The following PABPC4L variants were observed in gnomAD, a reference collection of about 807,000 sequenced individuals.
PABPC4L encodes polyadenylate-binding protein 4-like.
For synonymous variants in PABPC4L, 169 were observed against 164.1 expected (o/e 1.03, Z -0.23); for missense variants, 452 against 451.4 (o/e 1.00, Z -0.01).
At chr4:134,057,796 T>A in the PABPC4L span, among the ~76,000 whole-genome samples, 3 of 152,098 alleles carry the variant, frequency 2.0e-5, no homozygotes, top group African/African-American at 7.2e-5. Flanking sequence ...ATCCTATGTG[T>A]CTAGGCCATC....
At chr4:134,010,088 T>C in the PABPC4L span, among the ~76,000 whole-genome samples, 1 of 152,072 alleles carries the variant, frequency 6.6e-6, no homozygotes, top group African/African-American at 2.4e-5. Flanking sequence ...CTGAATTGTA[T>C]TAATGATGGT....
chr4:134,136,046 CA>C, the PABPC4L span, among the ~76,000 whole-genome samples: 1 of 152,050 alleles, frequency 6.6e-6, no homozygotes, highest in Non-Finnish European at 1.5e-5. Context: ...AGGGAAATAT[CA>C]GATCGAATCC....
At chr4:134,147,848 A>G in the PABPC4L span, among the ~76,000 whole-genome samples, 1 of 151,834 alleles carries the variant, frequency 6.6e-6, no homozygotes, top group Admixed American at 6.6e-5. Flanking sequence ...ATTGTTGGAG[A>G]TGTGGAAAAA....
chr4:134,171,997 G>C, the PABPC4L span, among the ~76,000 whole-genome samples: 1 of 151,700 alleles, frequency 6.6e-6, no homozygotes, highest in African/African-American at 2.4e-5. Context: ...TTACAAACCA[G>C]TGCTCAAAAA....
At chr4:134,184,371 T>G in the PABPC4L span, among the ~76,000 whole-genome samples, 12 of 151,930 alleles carry the variant, frequency 7.9e-5, no homozygotes, top group Non-Finnish European at 1.5e-4. Context: ...AAAATATGAT[T>G]TTAGAGATCA....
chr4:134,183,955 G>T, the PABPC4L span, among the ~76,000 whole-genome samples: 1 of 151,430 alleles, frequency 6.6e-6, no homozygotes, highest in Admixed American at 6.6e-5. Context: ...TTAACAAGTT[G>T]ATTGAGTGCG....
the PABPC4L span, among the ~76,000 whole-genome samples, chr4:134,025,488 A>G: frequency 6.6e-6 from 1 of 152,082 alleles, no homozygotes; most frequent in Non-Finnish European, 1.5e-5. Flanking sequence ...GGAGCTGTGT[A>G]TAAGTGCCAG....
the PABPC4L span, among the ~76,000 whole-genome samples, chr4:134,145,990 C>A: frequency 6.6e-6 from 1 of 151,860 alleles, no homozygotes; most frequent in African/African-American, 2.4e-5. Context: ...ATTTATACAT[C>A]CAGTTATGGA....
the PABPC4L span, among the ~76,000 whole-genome samples, chr4:134,090,011 T>C: frequency 6.6e-6 from 1 of 152,142 alleles, no homozygotes; most frequent in African/African-American, 2.4e-5. Context: ...GGGTGAGAAG[T>C]TTCCACACTG....
the PABPC4L span, among the ~76,000 whole-genome samples, chr4:134,165,295 A>G: frequency 4.9e-4 from 75 of 152,308 alleles, no homozygotes; most frequent in East Asian, 1.9e-4. Context: ...AGACCTCATT[A>G]AATTAAAAAG....
the PABPC4L span, among the ~76,000 whole-genome samples, chr4:134,115,327 A>G: frequency 5.3e-5 from 8 of 151,972 alleles, no homozygotes; most frequent in East Asian, 1.6e-3. Flanking sequence ...TATGAAAGGT[A>G]GTCAATTAAA....
At chr4:134,032,958 C>T in the PABPC4L span, among the ~76,000 whole-genome samples, 1 of 149,420 alleles carries the variant, frequency 6.7e-6, no homozygotes, top group African/African-American at 2.5e-5. Context: ...TCATTGATTT[C>T]TAATTGTATA....
chr4:134,054,227 T>A, the PABPC4L span, among the ~76,000 whole-genome samples: 1 of 141,104 alleles, frequency 7.1e-6, no homozygotes, highest in African/African-American at 2.6e-5. Flanking sequence ...TGATTTTTTT[T>A]AAAGAGACTA....
chr4:134,084,877 C>G, the PABPC4L span, among the ~76,000 whole-genome samples: 1 of 152,000 alleles, frequency 6.6e-6, no homozygotes, highest in East Asian at 1.9e-4. Flanking sequence ...AAAGATTAGG[C>G]TCACAAACAC....
the PABPC4L span, among the ~76,000 whole-genome samples, chr4:133,992,117 T>C: frequency 3.9e-5 from 6 of 152,168 alleles, no homozygotes; most frequent in African/African-American, 7.2e-5. Flanking sequence ...CATCCCCCCA[T>C]TGGCCCAAAT....
the PABPC4L span, among the ~76,000 whole-genome samples, chr4:134,132,803 C>A: frequency 1.4e-4 from 21 of 149,602 alleles, no homozygotes; most frequent in Non-Finnish European, 5.9e-5. Flanking sequence ...AAGTATAGAA[C>A]CAGCCCAAAT....
chr4:134,113,439 T>A, the PABPC4L span, among the ~76,000 whole-genome samples: 1 of 152,108 alleles, frequency 6.6e-6, no homozygotes, highest in East Asian at 1.9e-4. Context: ...CATTGTGTTA[T>A]AACTGCCTAC....
chr4:134,128,872 G>A, the PABPC4L span, among the ~76,000 whole-genome samples: 5 of 152,044 alleles, frequency 3.3e-5, no homozygotes, highest in African/African-American at 1.2e-4. Context: ...CTTAAAAGAT[G>A]TAGAATGGCA....
chr4:134,142,913 T>A, the PABPC4L span, among the ~76,000 whole-genome samples: 1 of 151,632 alleles, frequency 6.6e-6, no homozygotes, highest in Non-Finnish European at 1.5e-5. Context: ...CAGTTGGTTC[T>A]ACTTCTATTA....
Sources: allele counts gnomAD v4.1 joint callset (sites outside exome capture counted in the v4.1 genomes callset), GRCh38; gene constraint gnomAD v4.1.1; transcripts MANE v1.5; gene names NCBI Gene and HGNC (gene_info 2026-07-23, HGNC 2026-07-21).